Variants in APBA2 observed in about 807,000 individuals in gnomAD.
The protein encoded by APBA2 is amyloid beta precursor protein binding family A member 2, also known as amyloid-beta A4 precursor protein-binding family A member 2.
A neutral mutation model predicts 75.0 loss-of-function variants in APBA2; 30 were observed. That is an observed-to-expected ratio of 0.40 (90% confidence interval 0.30 to 0.54). The LOEUF is 0.54. APBA2 is among the 20% of genes least tolerant of loss of function. The pLI is 0.49. For missense variants in APBA2, 801 were observed against 1,016.1 expected (o/e 0.79, Z 2.88); for synonymous variants, 444 against 409.6 (o/e 1.08, Z -1.01).
chr15:29,076,822 A>C (rs957781839), intron 6 of APBA2, among the ~76,000 whole-genome samples: 3 of 152,186 alleles, frequency 2.0e-5, no homozygotes, highest in Non-Finnish European at 4.4e-5. Flanking sequence ...TATGGGAGCA[A>C]GGTAAATTAG....
chr15:29,060,527 GTGATGGTCTCTTCTCCTC>G (rs2042087062), intron 4 of APBA2, among the ~76,000 whole-genome samples: 1 of 152,194 alleles, frequency 6.6e-6, no homozygotes, highest in African/African-American at 2.4e-5. Flanking sequence ...CTCCTGGAGA[GTGATGGTCTCTTCTCCTC>G]TGTTGTCTGT....
chr15:29,056,521 GT>G (rs1430898943), intron 4 of APBA2, among the ~76,000 whole-genome samples: 2 of 148,790 alleles, frequency 1.3e-5, no homozygotes, highest in African/African-American at 5.0e-5. Flanking sequence ...GTTTTGTTTT[GT>G]TTTTCCCTCC....
chr15:29,117,603 C>G lies in APBA2; in HGVS notation c.*470C>G, dbSNP rs935608635. ...TGGTCCCAAACAGCTGCCTCTGCCA[C>G]TGACTGCAGGGACACGGGCAGCCTG... On this transcript the variant is annotated 3_prime_UTR_variant, in exon 15 of 15. Transcript: ENST00000683413. The G allele has an allele frequency of 2.3e-5, 4 of 175,268 alleles. No homozygotes were observed. The highest frequency in any genetic ancestry group is 4.9e-5 in the Non-Finnish European group (4 of 81,994). The allele number at this position is 175,268 out of a possible 1,614,324, so 10.9% of individuals were successfully genotyped here. A position where few individuals can be genotyped will look rare whatever the true frequency, so the allele number is the denominator to read the frequency against.
chr15:28,893,429 G>T (rs2032265004), intron 1 of APBA2, among the ~76,000 whole-genome samples: 1 of 152,216 alleles, frequency 6.6e-6, no homozygotes. Context: ...GGTGATGAAT[G>T]GACCGATTTT....
chr15:28,933,074 A>G (rs974254366), intron 2 of APBA2, among the ~76,000 whole-genome samples: 8 of 152,164 alleles, frequency 5.3e-5, no homozygotes, highest in Admixed American at 5.2e-4. Flanking sequence ...TCATTGTTTT[A>G]TTAGGAACCT....
intron 2 of APBA2, among the ~76,000 whole-genome samples, chr15:28,982,482 C>A (rs888530679): frequency 2.0e-5 from 3 of 152,214 alleles, no homozygotes; most frequent in Non-Finnish European, 1.5e-5. Context: ...AGCAGCTTGA[C>A]CTTGTTAGCA....
At position 29,113,884 on chromosome 15, in the gene APBA2, C is replaced by T. The variant is rs775167847; in HGVS notation, c.2046C>T (p.Ser682=). The change falls in exon 14 of 15, where the codon AGC becomes AGT. Residue 682 remains serine (S), a synonymous_variant. Coordinates refer to ENST00000683413, the MANE Select transcript of APBA2 (RefSeq NM_001353788.2). The part of the protein sequence containing the change: ...GFSVQNGIIC[S]LMRGGIAERG... ...TGGCCATGTCTGCTTAGATCTGCAGCCTCATGAGAGGGGGCATTGCTGAGC... is the reference window on the plus strand; with the variant it reads ...TGGCCATGTCTGCTTAGATCTGCAGTCTCATGAGAGGGGGCATTGCTGAGC... The T allele has an allele frequency of 6.2e-7, 1 of 1,611,732 alleles. No individual in the cohort carries two copies. Among genetic ancestry groups the T allele is most frequent in the South Asian group, 1.1e-5 (1 of 91,068 alleles).
chr15:28,995,330 A>G (rs987181130), intron 2 of APBA2, among the ~76,000 whole-genome samples: 18 of 152,094 alleles, frequency 1.2e-4, no homozygotes, highest in Admixed American at 8.5e-4. Flanking sequence ...CTTTCATCGC[A>G]GTCCTCTCCC....
chr15:29,079,887 C>T (rs927191036), intron 6 of APBA2, among the ~76,000 whole-genome samples: 1 of 152,248 alleles, frequency 6.6e-6, no homozygotes, highest in African/African-American at 2.4e-5. Flanking sequence ...CTGGTGTCCA[C>T]TCCCTGTGCC....
At chr15:28,980,908 G>A (rs1165762465) in intron 2 of APBA2, among the ~76,000 whole-genome samples, 1 of 152,158 alleles carries the variant, frequency 6.6e-6, no homozygotes, top group Non-Finnish European at 1.5e-5. Flanking sequence ...TCTGCCCTTT[G>A]ACAAAGCTGC....
intron 2 of APBA2, among the ~76,000 whole-genome samples, chr15:28,939,451 A>G (rs2035062831): frequency 6.6e-6 from 1 of 152,240 alleles, no homozygotes; most frequent in South Asian, 2.1e-4. Flanking sequence ...CAGCAGCTGC[A>G]CCCATTTACA....
chr15:29,048,153 C>G (rs1318221499), intron 3 of APBA2, among the ~76,000 whole-genome samples: 1 of 152,104 alleles, frequency 6.6e-6, no homozygotes, highest in Non-Finnish European at 1.5e-5. Context: ...TGGACACCAA[C>G]CCGGCCAACA....
intron 3 of APBA2, among the ~76,000 whole-genome samples, chr15:29,016,054 C>T (rs1314231961): frequency 2.0e-5 from 3 of 152,218 alleles, no homozygotes; most frequent in Non-Finnish European, 2.9e-5. Context: ...GTCAAGAGAT[C>T]GAGACCATCC....
At chr15:29,022,835 C>T (rs2040019934) in intron 3 of APBA2, among the ~76,000 whole-genome samples, 1 of 152,028 alleles carries the variant, frequency 6.6e-6, no homozygotes, top group Non-Finnish European at 1.5e-5. Context: ...GAAATATTTA[C>T]TATATTAAAA....
chr15:29,095,435 GAAA>G (rs67934513), intron 8 of APBA2, among the ~76,000 whole-genome samples: 2 of 150,780 alleles, frequency 1.3e-5, no homozygotes, highest in African/African-American at 5.0e-5. Flanking sequence ...CATCTCAAAA[GAAA>G]AAAAAAAAGG....
At chr15:29,114,625 A>ATGTGTGAGAGCATGGGTG (rs2044950812) in intron 14 of APBA2, among the ~76,000 whole-genome samples, 1 of 140,592 alleles carries the variant, frequency 7.1e-6, no homozygotes, top group Non-Finnish European at 1.6e-5. Flanking sequence ...GTGCATGTGG[A>ATGTGTGAGAGCATGGGTG]TGTGTGAGAG....
intron 4 of APBA2, among the ~76,000 whole-genome samples, chr15:29,055,301 C>T (rs917718737): frequency 1.6e-4 from 24 of 152,318 alleles, no homozygotes; most frequent in South Asian, 4.1e-4. Flanking sequence ...GGCCAGAGTG[C>T]ATTTCACAAT....
chr15:29,006,815 A>G (rs111485772), intron 3 of APBA2, among the ~76,000 whole-genome samples: 5,619 of 152,302 alleles, frequency 0.037, 344 homozygotes, highest in African/African-American at 0.13. Flanking sequence ...GGCGTGGGAC[A>G]TAGCCAAACT....
intron 2 of APBA2, among the ~76,000 whole-genome samples, chr15:28,964,945 A>T (rs552270999): frequency 6.6e-5 from 10 of 152,078 alleles, no homozygotes; most frequent in African/African-American, 2.2e-4. Flanking sequence ...TTGACCCTTG[A>T]CAGAATGAAA....
Sources: gnomAD v4.1 joint callset for allele counts (sites outside exome capture counted in the v4.1 genomes callset) on GRCh38, gnomAD v4.1.1 for gene constraint, MANE v1.5 for transcripts, NCBI Gene and HGNC (gene_info 2026-07-23, HGNC 2026-07-21) for gene names.